The following FRMD4B variants were observed in gnomAD, a reference collection of about 807,000 sequenced individuals.
The protein encoded by FRMD4B is FERM domain containing 4B.
Under a neutral mutation model 141.5 loss-of-function variants are expected in FRMD4B, and 74 were observed. The observed-to-expected ratio is 0.52, with a 90% CI of 0.43 to 0.63. FRMD4B has a LOEUF of 0.63. Among genes scored for constraint, FRMD4B ranks in the 30% least tolerant of loss-of-function variants. The probability of loss-of-function intolerance (pLI) is 0.00; values close to 1 mark genes in which losing one functional copy is unlikely to be tolerated. For missense variants in FRMD4B, 1,366 were observed against 1,253.4 expected (o/e 1.09, Z -1.36); for synonymous variants, 506 against 467.9 (o/e 1.08, Z -1.05).
In FRMD4B at chr3:69,250,039, T is replaced by A; in HGVS notation, c.558+4A>T. 1 of 1,598,354 alleles carries A rather than the reference T, an allele frequency of 6.3e-7. No homozygotes were observed. The highest frequency in any genetic ancestry group is 8.6e-7 in the Non-Finnish European group (1 of 1,165,514). On this transcript the variant is annotated splice_donor_region_variant and intron_variant, in intron 6 of 22. Coordinates refer to ENST00000398540, the MANE Select transcript of FRMD4B (RefSeq NM_015123.3). ...CTGCTAAGAGGCAGTTTGTCCAATCTTACCTGTAAAATAAACGCTGCTAAC... is the reference window on the plus strand; with the variant it reads ...CTGCTAAGAGGCAGTTTGTCCAATCATACCTGTAAAATAAACGCTGCTAAC...
chr3:69,373,730 C>G (rs1302002768), intron 1 of FRMD4B, among the ~76,000 whole-genome samples: 1 of 151,998 alleles, frequency 6.6e-6, no homozygotes, highest in East Asian at 1.9e-4. Context: ...CAAAAAATTG[C>G]TGGGTGTGGT....
chr3:69,476,559 C>G (rs1475307685), intron 1 of FRMD4B, among the ~76,000 whole-genome samples: 1 of 152,078 alleles, frequency 6.6e-6, no homozygotes, highest in Non-Finnish European at 1.5e-5. Context: ...TTCCATTGAT[C>G]TATATCTCTG....
At chr3:69,335,386 T>TC (rs2107349354) in intron 1 of FRMD4B, among the ~76,000 whole-genome samples, 1 of 151,392 alleles carries the variant, frequency 6.6e-6, no homozygotes, top group African/African-American at 2.4e-5. Flanking sequence ...TTTTTTTTTT[T>TC]TTCCGAGACA....
intron 5 of FRMD4B, among the ~76,000 whole-genome samples, chr3:69,252,731 G>A (rs78687212): frequency 1.1e-4 from 16 of 152,252 alleles, no homozygotes; most frequent in Admixed American, 2.0e-4. Flanking sequence ...TGGAAGTGCC[G>A]TCTGCCCAGG....
intron 1 of FRMD4B, 111 bp from the exon 2 acceptor site, chr3:69,313,628 T>G (rs527273702): frequency 6.0e-6 from 4 of 663,026 alleles, no homozygotes; most frequent in Non-Finnish European, 1.1e-5. Context: ...AAAAATGGCT[T>G]TAGTTGAGTT....
chr3:69,379,882 T>C (rs2106675375), intron 1 of FRMD4B, among the ~76,000 whole-genome samples: 1 of 152,302 alleles, frequency 6.6e-6, no homozygotes. Context: ...AAAACTTTAT[T>C]TACAAAAACA....
At chr3:69,281,838 A>AAAATAT (rs1553715921) in intron 5 of FRMD4B, among the ~76,000 whole-genome samples, 41 of 128,226 alleles carry the variant, frequency 3.2e-4, no homozygotes, top group South Asian at 5.4e-4. Flanking sequence ...AAAAAAAAAA[A>AAAATAT]ATATATATAT....
chr3:69,197,089 T>G (rs1315118465), intron 12 of FRMD4B, 51 bp from the exon 13 acceptor site: 9 of 1,497,252 alleles, frequency 6.0e-6, no homozygotes, highest in Non-Finnish European at 7.4e-6. Flanking sequence ...CCCAGCATGA[T>G]GCAAAATGTA....
chr3:69,536,588 G>A, intron 1 of FRMD4B: 5 of 777,492 alleles, frequency 6.4e-6, no homozygotes, highest in Non-Finnish European at 1.1e-5. Flanking sequence ...CCACCGGGAA[G>A]CTGCTGCAGC....
At chr3:69,183,107 T>TA (rs1357041056) in intron 19 of FRMD4B, among the ~76,000 whole-genome samples, 1 of 152,150 alleles carries the variant, frequency 6.6e-6, no homozygotes, top group African/African-American at 2.4e-5. Context: ...CAGTCTAGAA[T>TA]ACTAAATAGC....
chr3:69,315,882 G>C (rs903442202), intron 1 of FRMD4B, among the ~76,000 whole-genome samples: 2 of 152,152 alleles, frequency 1.3e-5, no homozygotes, highest in African/African-American at 4.8e-5. Flanking sequence ...TAGGAACTCA[G>C]ATACATATAA....
chr3:69,370,421 T>C (rs1703793084), intron 1 of FRMD4B, among the ~76,000 whole-genome samples: 2 of 152,142 alleles, frequency 1.3e-5, no homozygotes, highest in Non-Finnish European at 2.9e-5. Flanking sequence ...TACTTGCAGC[T>C]GGCAGTACAC....
upstream of FRMD4B, among the ~76,000 whole-genome samples, chr3:69,387,703 A>T (rs1214602634): frequency 6.6e-6 from 1 of 152,148 alleles, no homozygotes; most frequent in Non-Finnish European, 1.5e-5. Context: ...TTCAGGTGAA[A>T]CTCAATCAGT....
At chr3:69,365,660 C>G (rs1374954655) in intron 1 of FRMD4B, among the ~76,000 whole-genome samples, 1 of 151,978 alleles carries the variant, frequency 6.6e-6, no homozygotes, top group Non-Finnish European at 1.5e-5. Context: ...TTCACCACGC[C>G]TGGCTAATTT....
At chr3:69,298,125 T>C (rs1475773353) in intron 4 of FRMD4B, among the ~76,000 whole-genome samples, 1 of 152,214 alleles carries the variant, frequency 6.6e-6, no homozygotes, top group Non-Finnish European at 1.5e-5. Flanking sequence ...GACAATACTT[T>C]TCAAATAGCC....
intron 1 of FRMD4B, among the ~76,000 whole-genome samples, chr3:69,343,335 C>A (rs1702805381): frequency 6.6e-6 from 1 of 152,138 alleles, no homozygotes; most frequent in South Asian, 2.1e-4. Context: ...GATTTACATG[C>A]AAAGCCTCAT....
intron 1 of FRMD4B, among the ~76,000 whole-genome samples, chr3:69,517,376 G>GA (rs1172571980): frequency 2.0e-5 from 3 of 151,422 alleles, no homozygotes; most frequent in Non-Finnish European, 2.9e-5. Flanking sequence ...ACAACCTTGT[G>GA]AAAAAAAGAG....
intron 1 of FRMD4B, among the ~76,000 whole-genome samples, chr3:69,514,032 T>C (rs770237051): frequency 2.7e-4 from 41 of 152,200 alleles, no homozygotes; most frequent in South Asian, 6.2e-4. Flanking sequence ...CTTTTCAACA[T>C]AGTATTGAAA....
Position 69,181,253 on chromosome 3 carries a change from ACTGT to A in FRMD4B, c.2493_2496del (p.Gln832IlefsTer62). On this transcript the variant is annotated frameshift_variant, in exon 21 of 23. Transcript: ENST00000398540. LOFTEE classifies it high-confidence loss of function. Reference sequence around the variant, plus strand: ...GACCGGTAGGAAGGGTTGACACTATACTGTCCCTCGGTGTCATTCTCATAGACAT... The same window carrying A: ...GACCGGTAGGAAGGGTTGACACTATACCCTCGGTGTCATTCTCATAGACAT... The A allele has an allele frequency of 1.2e-6, 2 of 1,613,074 alleles. No homozygotes were observed. Among genetic ancestry groups the A allele is most frequent in the Non-Finnish European group, 1.7e-6 (2 of 1,179,068 alleles).
Sources: gnomAD v4.1 joint callset for allele counts (sites outside exome capture counted in the v4.1 genomes callset) on GRCh38, gnomAD v4.1.1 for gene constraint, MANE v1.5 for transcripts, NCBI Gene and HGNC (gene_info 2026-07-23, HGNC 2026-07-21) for gene names.